The following MRPS31 variants were observed in gnomAD, a reference collection of about 807,000 sequenced individuals.
The protein encoded by MRPS31 is small ribosomal subunit protein mS31.
In MRPS31, 32 loss-of-function variants were observed where a neutral mutation model predicts 43.1. The ratio of observed to expected loss-of-function variants is 0.74; its 90% CI spans 0.56 to 1.00. MRPS31 has a LOEUF of 1.00. Ranked by LOEUF, MRPS31 falls within the 50% of genes least tolerant of loss-of-function variation. The probability of loss-of-function intolerance (pLI) is 0.00; values close to 1 mark genes in which losing one functional copy is unlikely to be tolerated. For synonymous variants in MRPS31, 165 were observed against 161.6 expected, an observed-to-expected ratio of 1.02 and a Z score of -0.16; for missense variants, 437 against 466.7, an observed-to-expected ratio of 0.94 and a Z score of 0.59.
chr13:40,754,438 G>A (rs925541536), intron 4 of MRPS31, among the ~76,000 whole-genome samples: 1 of 152,096 alleles, frequency 6.6e-6, no homozygotes, highest in African/African-American at 2.4e-5. Flanking sequence ...CAAAATAGAA[G>A]CTGTTAAACT....
At chr13:40,732,747 GA>G (rs892762119) in intron 6 of MRPS31, among the ~76,000 whole-genome samples, 50 of 148,706 alleles carry the variant, frequency 3.4e-4, no homozygotes, top group South Asian at 1.9e-3. Flanking sequence ...CTTAAAAGAA[GA>G]AAAAAAAAAC....
chr13:40,770,603 G>T, intron 1 of MRPS31: 1 of 284,524 alleles, frequency 3.5e-6, no homozygotes, highest in Non-Finnish European at 6.9e-6. Context: ...GTGATGGCAG[G>T]ACTGTCTCAC....
At chr13:40,737,482 T>G (rs1879954960) in intron 6 of MRPS31, among the ~76,000 whole-genome samples, 1 of 151,978 alleles carries the variant, frequency 6.6e-6, no homozygotes. Context: ...GAATATACAT[T>G]TTTTTCAGCA....
Position 40,766,763 on chromosome 13 carries a change from T to C in MRPS31, c.423A>G (p.Glu141=). Reference sequence around the variant, plus strand: ...AAATTTACCTCTTCTTTGGAGCATATTCTGTAGCTCTTCGAAGCCTGCCAA... The same window carrying C: ...AAATTTACCTCTTCTTTGGAGCATACTCTGTAGCTCTTCGAAGCCTGCCAA... ...ATLGRLRRAT[E]YAPKKRIEPL... Residue 141 remains glutamate (E), a synonymous_variant, in exon 2 of 7, where the codon GAA becomes GAG. Coordinates refer to ENST00000323563, the MANE Select transcript of MRPS31 (RefSeq NM_005830.4). 1 of 1,609,922 alleles carries C rather than the reference T, an allele frequency of 6.2e-7. No individual in the cohort carries two copies. The highest frequency in any genetic ancestry group is 1.3e-5 in the African/African-American group (1 of 74,584).
At chr13:40,732,635 G>T (rs1393840348) in intron 6 of MRPS31, among the ~76,000 whole-genome samples, 3 of 152,046 alleles carry the variant, frequency 2.0e-5, no homozygotes, top group African/African-American at 7.2e-5. Flanking sequence ...TGGAACGCTG[G>T]GGGCAGAAGG....
At chr13:40,733,581 T>C (rs1023387548) in intron 6 of MRPS31, among the ~76,000 whole-genome samples, 3 of 152,128 alleles carry the variant, frequency 2.0e-5, no homozygotes, top group Admixed American at 6.5e-5. Flanking sequence ...GAAGAGAAGA[T>C]GCTAAAAGTT....
chr13:40,767,127 C>A, intron 1 of MRPS31, 94 bp from the exon 2 acceptor site: 1 of 1,020,838 alleles, frequency 9.8e-7, no homozygotes, highest in Non-Finnish European at 1.4e-6. Flanking sequence ...AACTATGTAT[C>A]TAAGATTTTT....
chr13:40,766,610 A>C, intron 2 of MRPS31, 136 bp downstream of exon 2: 1 of 909,170 alleles, frequency 1.1e-6, no homozygotes, highest in Non-Finnish European at 1.6e-6. Flanking sequence ...TAATTATTAG[A>C]GTCCCTGTGT....
At chr13:40,769,953 G>A (rs2138022099) in intron 1 of MRPS31, among the ~76,000 whole-genome samples, 1 of 152,236 alleles carries the variant, frequency 6.6e-6, no homozygotes, top group South Asian at 2.1e-4. Flanking sequence ...TCCTCTTTCA[G>A]ACTGACTTTC....
chr13:40,759,127 C>T, intron 2 of MRPS31, 21 bp from the exon 3 acceptor site: 3 of 1,544,740 alleles, frequency 1.9e-6, no homozygotes, highest in Non-Finnish European at 2.6e-6. Context: ...AAATGAAAAA[C>T]AAATGAGAAA....
chr13:40,738,742 T>G (rs2137996958), intron 6 of MRPS31, among the ~76,000 whole-genome samples: 1 of 152,232 alleles, frequency 6.6e-6, no homozygotes, highest in East Asian at 1.9e-4. Flanking sequence ...TCAACAACCT[T>G]CATGCTAAAA....
chr13:40,770,673 G>T (rs977158540), intron 1 of MRPS31: 4 of 356,366 alleles, frequency 1.1e-5, no homozygotes, highest in Admixed American at 4.5e-5. Context: ...ATGAACTAAA[G>T]AATAAATGAA....
intron 6 of MRPS31, among the ~76,000 whole-genome samples, chr13:40,737,312 A>T (rs1262321618): frequency 6.6e-6 from 1 of 150,644 alleles, no homozygotes; most frequent in Non-Finnish European, 1.5e-5. Context: ...AAGAGACTTA[A>T]GACTCCCACA....
At chr13:40,733,386 G>A (rs1879769118) in intron 6 of MRPS31, among the ~76,000 whole-genome samples, 2 of 152,102 alleles carry the variant, frequency 1.3e-5, no homozygotes, top group African/African-American at 2.4e-5. Flanking sequence ...AATGTCCCCG[G>A]AGCATAGAAC....
At chr13:40,762,115 G>T (rs937154673) in intron 2 of MRPS31, among the ~76,000 whole-genome samples, 5 of 151,880 alleles carry the variant, frequency 3.3e-5, no homozygotes, top group African/African-American at 1.2e-4. Flanking sequence ...ATGTGATGGT[G>T]CATGTCTGTA....
In MRPS31 at chr13:40,759,121, G is replaced by A. The variant is rs1880620350; in HGVS notation, c.441-15C>T. 1 of 1,554,414 alleles carries A rather than the reference G, an allele frequency of 6.4e-7. No individual in the cohort carries two copies. Among genetic ancestry groups the A allele is most frequent in the South Asian group, 1.2e-5 (1 of 81,932 alleles). On this transcript the variant is annotated splice_polypyrimidine_tract_variant and intron_variant, in intron 2 of 6. Coordinates refer to ENST00000323563, the MANE Select transcript of MRPS31 (RefSeq NM_005830.4). ...GGGGCTCAATTCTGAAAAAGAAAAT[G>A]AAAAACAAATGAGAAAGAAAAAAAA...
At chr13:40,741,933 A>ACACACT (rs1491087838) in intron 6 of MRPS31, among the ~76,000 whole-genome samples, 3 of 142,528 alleles carry the variant, frequency 2.1e-5, no homozygotes, top group Non-Finnish European at 3.1e-5. Context: ...ACACACACAC[A>ACACACT]CTGCAGGACA....
At chr13:40,752,688 A>C (rs1405777107) in intron 5 of MRPS31, among the ~76,000 whole-genome samples, 1 of 152,218 alleles carries the variant, frequency 6.6e-6, no homozygotes, top group East Asian at 1.9e-4. Flanking sequence ...TAGAAAGATT[A>C]AATGAGCCTT....
intron 6 of MRPS31, among the ~76,000 whole-genome samples, chr13:40,744,821 C>G (rs1010846188): frequency 3.9e-5 from 6 of 152,030 alleles, no homozygotes; most frequent in African/African-American, 1.4e-4. Flanking sequence ...GCCATGTTGG[C>G]CAGGCTGGTC....
Sources: allele counts gnomAD v4.1 joint callset (sites outside exome capture counted in the v4.1 genomes callset), GRCh38; gene constraint gnomAD v4.1.1; transcripts MANE v1.5; gene names NCBI Gene and HGNC (gene_info 2026-07-23, HGNC 2026-07-21).